Variants in GRB2 observed in about 807,000 individuals in gnomAD.
GRB2 encodes growth factor receptor-bound protein 2.
A neutral mutation model predicts 27.4 loss-of-function variants in GRB2; 2 were observed. That is an observed-to-expected ratio of 0.07 (90% confidence interval 0.03 to 0.23). The LOEUF (loss-of-function observed/expected upper bound fraction) is 0.23, where lower values mean the gene tolerates loss of function less well. Ranked by LOEUF, GRB2 falls within the 10% of genes least tolerant of loss-of-function variation. GRB2 has a pLI of 1.00. For missense variants in GRB2, 102 were observed against 282.4 expected (o/e 0.36, Z 4.58); for synonymous variants, 94 against 99.6 (o/e 0.94, Z 0.33).
At chr17:75,393,869 T>A (rs1598256457) in intron 1 of GRB2, 104 bp from the exon 2 acceptor site, 1 of 520,570 alleles carries the variant, frequency 1.9e-6, no homozygotes, top group Admixed American at 3.9e-5. Flanking sequence ...TGGCTCGGCC[T>A]GGCTCAGCCC....
intron 2 of GRB2, among the ~76,000 whole-genome samples, chr17:75,350,378 A>C (rs2078682947): frequency 6.6e-6 from 1 of 152,222 alleles, no homozygotes; most frequent in Non-Finnish European, 1.5e-5. Flanking sequence ...CAAGTTCACT[A>C]CAACTTCAGG....
chr17:75,321,045 T>C (rs1008788508), intron 5 of GRB2, among the ~76,000 whole-genome samples: 1 of 152,098 alleles, frequency 6.6e-6, no homozygotes, highest in Admixed American at 6.5e-5. Flanking sequence ...GTTTTCCTCA[T>C]AATTTGCTTC....
chr17:75,330,472 G>A (rs761128052), intron 3 of GRB2, among the ~76,000 whole-genome samples: 4 of 149,822 alleles, frequency 2.7e-5, no homozygotes, highest in Non-Finnish European at 4.4e-5. Context: ...CCAAGAGCTC[G>A]AGATCAGCTT....
chr17:75,390,127 CCTGTTTTTAAAG>C (rs1393219709), intron 2 of GRB2, among the ~76,000 whole-genome samples: 1 of 152,116 alleles, frequency 6.6e-6, no homozygotes, highest in Admixed American at 6.6e-5. Context: ...GAACTCAAGA[CCTGTTTTTAAAG>C]TAGTTTAAGA....
intron 2 of GRB2, among the ~76,000 whole-genome samples, chr17:75,341,488 G>A (rs927121825): frequency 6.7e-6 from 1 of 149,648 alleles, no homozygotes; most frequent in Non-Finnish European, 1.5e-5. Context: ...AAAAACAAAG[G>A]GTATTTGTTA....
chr17:75,361,608 A>C (rs1265767640), intron 2 of GRB2, among the ~76,000 whole-genome samples: 3 of 152,196 alleles, frequency 2.0e-5, no homozygotes, highest in Admixed American at 2.0e-4. Context: ...GTATGAGGGA[A>C]ATACTCATAC....
At chr17:75,355,377 C>G (rs2078724940) in intron 2 of GRB2, among the ~76,000 whole-genome samples, 1 of 152,086 alleles carries the variant, frequency 6.6e-6, no homozygotes, top group South Asian at 2.1e-4. Flanking sequence ...TCAAAACTTT[C>G]TGGAACAGTT....
chr17:75,404,371 G>A (rs1468138240), intron 1 of GRB2, among the ~76,000 whole-genome samples: 2 of 152,148 alleles, frequency 1.3e-5, no homozygotes, highest in East Asian at 1.9e-4. Context: ...TGCAGGGAAC[G>A]CAGGGGACGC....
intron 2 of GRB2, 136 bp downstream of exon 2, chr17:75,393,415 C>T: frequency 1.3e-6 from 1 of 756,338 alleles, no homozygotes; most frequent in Non-Finnish European, 2.3e-6. Flanking sequence ...ATCTAAAGCT[C>T]TCCAGAACAA....
intron 2 of GRB2, among the ~76,000 whole-genome samples, chr17:75,354,409 C>G (rs911085266): frequency 5.3e-5 from 8 of 152,100 alleles, no homozygotes; most frequent in African/African-American, 1.9e-4. Context: ...ATTACAGGTG[C>G]CTGCCACCAC....
intron 2 of GRB2, among the ~76,000 whole-genome samples, chr17:75,388,840 A>G (rs1317169226): frequency 6.6e-6 from 1 of 152,176 alleles, no homozygotes; most frequent in African/African-American, 2.4e-5. Context: ...CAAACTAGGG[A>G]TTGGCTCTCC....
intron 2 of GRB2, among the ~76,000 whole-genome samples, chr17:75,376,062 C>A (rs1411612849): frequency 7.6e-6 from 1 of 132,236 alleles, no homozygotes; most frequent in Non-Finnish European, 1.6e-5. Context: ...CCGGGGCCTG[C>A]ATGAGCGCAG....
intron 2 of GRB2, among the ~76,000 whole-genome samples, chr17:75,333,075 T>C (rs1360702847): frequency 6.8e-6 from 1 of 147,070 alleles, no homozygotes; most frequent in African/African-American, 2.6e-5. Context: ...ATGGCAAGTA[T>C]TAGTTGTTTT....
chr17:75,334,719 T>A (rs1010805080), intron 2 of GRB2, among the ~76,000 whole-genome samples: 1 of 152,176 alleles, frequency 6.6e-6, no homozygotes, highest in African/African-American at 2.4e-5. Flanking sequence ...GTGGGAAGAC[T>A]GCTTTAGCCC....
intron 2 of GRB2, among the ~76,000 whole-genome samples, chr17:75,392,631 G>C (rs2079005495): frequency 6.6e-6 from 1 of 152,086 alleles, no homozygotes; most frequent in Non-Finnish European, 1.5e-5. Flanking sequence ...TCAGTCTAAG[G>C]CTCAGAAGGA....
At chr17:75,387,239 T>G (rs1307656384) in intron 2 of GRB2, among the ~76,000 whole-genome samples, 1 of 151,924 alleles carries the variant, frequency 6.6e-6, no homozygotes, top group Non-Finnish European at 1.5e-5. Context: ...GGGTAGATAT[T>G]TTGAGGCCAG....
At position 75,326,123 on chromosome 17, in the gene GRB2, G is replaced by C; in HGVS notation, c.177-103C>G. ...ACACAACACTCCTTGCCAGAGGAAG[G>C]GGCCTCCCTCCTCATCCTCCAGCCT... On this transcript the variant is annotated intron_variant, in intron 3 of 5. Transcript: ENST00000316804. The C allele has an allele frequency of 2.9e-6, 4 of 1,365,976 alleles. No individual in the cohort carries two copies. In the South Asian group the frequency reaches 4.7e-5, roughly 16 times the overall value. The allele number at this position is 1,365,976 out of a possible 1,614,324, so 84.6% of individuals were successfully genotyped here.
At chr17:75,326,060 A>G in intron 3 of GRB2, 40 bp from the exon 4 acceptor site, 1 of 1,612,594 alleles carries the variant, frequency 6.2e-7, no homozygotes, top group African/African-American at 1.3e-5. Context: ...CTGCTTCCCC[A>G]CAAAGAAACG....
At chr17:75,349,766 C>T (rs375809411) in intron 2 of GRB2, among the ~76,000 whole-genome samples, 10 of 151,900 alleles carry the variant, frequency 6.6e-5, no homozygotes, top group African/African-American at 1.2e-4. Context: ...GTGATCCACC[C>T]GCCTCAGCCT....
Sources: gnomAD v4.1 joint callset for allele counts (sites outside exome capture counted in the v4.1 genomes callset) on GRCh38, gnomAD v4.1.1 for gene constraint, MANE v1.5 for transcripts, NCBI Gene and HGNC (gene_info 2026-07-23, HGNC 2026-07-21) for gene names.